The following GPR39 variants were observed in gnomAD, a reference collection of about 807,000 sequenced individuals.
The protein encoded by GPR39 is zinc sensing receptor.
Under a neutral mutation model 18.4 loss-of-function variants are expected in GPR39, and 23 were observed. The observed-to-expected ratio is 1.25, with a 90% CI of 0.90 to 1.77. The LOEUF (loss-of-function observed/expected upper bound fraction) is 1.77, where lower values mean the gene tolerates loss of function less well. GPR39 is among the 40% of genes most tolerant of loss of function. The pLI is 0.00. For synonymous variants in GPR39, 280 were observed against 257.9 expected, an observed-to-expected ratio of 1.09 and a Z score of -0.82; for missense variants, 647 against 602.4, an observed-to-expected ratio of 1.07 and a Z score of -0.78.
chr2:132,433,475 C>A (rs983259294), intron 1 of GPR39, among the ~76,000 whole-genome samples: 2 of 151,970 alleles, frequency 1.3e-5, no homozygotes, highest in Admixed American at 1.3e-4. Flanking sequence ...ACATAAATTT[C>A]ATCATGTTTA....
At chr2:132,598,614 G>A (rs1056690587) in intron 1 of GPR39, among the ~76,000 whole-genome samples, 1 of 151,950 alleles carries the variant, frequency 6.6e-6, no homozygotes, top group Non-Finnish European at 1.5e-5. Context: ...GTGGCACTGG[G>A]GAAAGGCTAT....
intron 1 of GPR39, among the ~76,000 whole-genome samples, chr2:132,629,966 G>T (rs1681618717): frequency 6.6e-6 from 1 of 152,306 alleles, no homozygotes; most frequent in African/African-American, 2.4e-5. Flanking sequence ...TTCAACGATA[G>T]TGCGTCTTAT....
intron 1 of GPR39, among the ~76,000 whole-genome samples, chr2:132,455,642 A>C (rs1318569092): frequency 1.3e-5 from 2 of 152,082 alleles, no homozygotes; most frequent in South Asian, 2.1e-4. Context: ...CCCTCTACAC[A>C]CTGCTTTAAA....
intron 1 of GPR39, among the ~76,000 whole-genome samples, chr2:132,517,264 C>T (rs1436455874): frequency 6.6e-6 from 1 of 151,760 alleles, no homozygotes; most frequent in Non-Finnish European, 1.5e-5. Flanking sequence ...AAAGAGTATA[C>T]AGGACCCTAA....
At position 132,427,188 on chromosome 2, in the gene GPR39, G is replaced by A. The variant is rs1433381459; in HGVS notation, c.856+9290G>A. Among the ~76,000 whole-genome samples, 158 of 113,960 alleles carry A rather than the reference G, an allele frequency of 1.4e-3. 3 individuals are homozygous for A. Among genetic ancestry groups the A allele is most frequent in the African/African-American group, 5.3e-3 (144 of 27,422 alleles). The allele number at this position is 113,960 out of a possible 152,430, so 74.8% of individuals were successfully genotyped here. ...TATGAAATTTTTTTTTTTTTGAGACGGAGTCTTGCTCCGTCGCCCAGGCTG... is the reference window on the plus strand; with the variant it reads ...TATGAAATTTTTTTTTTTTTGAGACAGAGTCTTGCTCCGTCGCCCAGGCTG... On this transcript the variant is annotated intron_variant, in intron 1 of 1. Coordinates refer to ENST00000329321, the MANE Select transcript of GPR39 (RefSeq NM_001508.3).
intron 1 of GPR39, among the ~76,000 whole-genome samples, chr2:132,551,153 T>C (rs1160385663): frequency 6.6e-6 from 1 of 152,220 alleles, no homozygotes; most frequent in Non-Finnish European, 1.5e-5. Flanking sequence ...ATGTTAGAGT[T>C]GATGTCTGAT....
Position 132,645,636 on chromosome 2 carries a change from CTGG to C in GPR39, c.*31_*33del. The stretch of plus-strand genomic sequence containing the variant: ...CAAGCGAGGGAGCCTTGAGTGGGAA[CTGG>C]CCCTCCAGCCCTAAGAAAACGTCAC... On this transcript the variant is annotated 3_prime_UTR_variant, in exon 2 of 2. Coordinates refer to ENST00000329321, the MANE Select transcript of GPR39 (RefSeq NM_001508.3). 1 of 1,589,814 alleles carries C rather than the reference CTGG, an allele frequency of 6.3e-7. No homozygotes were observed. Among genetic ancestry groups the C allele is most frequent in the South Asian group, 1.2e-5 (1 of 86,578 alleles).
At chr2:132,448,722 T>A (rs61138859) in intron 1 of GPR39, among the ~76,000 whole-genome samples, 26,410 of 152,212 alleles carry the variant, frequency 0.17, 2,808 homozygotes, top group East Asian at 0.5. Flanking sequence ...TTATTTCATA[T>A]TTTATTGGGT....
chr2:132,622,622 G>A lies in GPR39; in HGVS notation c.857-22479G>A, dbSNP rs199919308. On this transcript the variant is annotated intron_variant, in intron 1 of 1. Coordinates refer to ENST00000329321, the MANE Select transcript of GPR39 (RefSeq NM_001508.3). ...ATTCAGCCTGAAAAAGCTGGATACC[G>A]CGAAGCAGAAGCTTACAAGTCATAG... Among the ~76,000 whole-genome samples, 9 of 152,322 alleles carry A rather than the reference G, an allele frequency of 5.9e-5. No homozygotes were observed. In the East Asian group the frequency reaches 1.4e-3, roughly 23 times the overall value.
intron 1 of GPR39, among the ~76,000 whole-genome samples, chr2:132,560,382 T>G (rs903568499): frequency 6.6e-6 from 1 of 152,190 alleles, no homozygotes; most frequent in Admixed American, 6.5e-5. Context: ...GCCCTGAACC[T>G]GGGTCCCCTT....
At position 132,517,449 on chromosome 2, in the gene GPR39, A is replaced by G. The variant is rs1558823679; in HGVS notation, c.856+99551A>G. 4.6e-5 allele frequency among the ~76,000 whole-genome samples: 7 copies of G among 152,270 alleles called. No homozygotes were observed. In the South Asian group the frequency reaches 1.2e-3, roughly 27 times the overall value. ...GGAGCATTCTAGTTGAATTTCCTCTATCTAGTGCCCTGTGAAGCATGTGAC... is the reference window on the plus strand; with the variant it reads ...GGAGCATTCTAGTTGAATTTCCTCTGTCTAGTGCCCTGTGAAGCATGTGAC... On this transcript the variant is annotated intron_variant, in intron 1 of 1. Transcript: ENST00000329321.
chr2:132,590,730 TC>T (rs1196320247), intron 1 of GPR39, among the ~76,000 whole-genome samples: 2 of 152,006 alleles, frequency 1.3e-5, no homozygotes, highest in African/African-American at 4.8e-5. Context: ...AGGGATGGAC[TC>T]CCACCAACCA....
chr2:132,464,014 C>T (rs1281136792), intron 1 of GPR39, among the ~76,000 whole-genome samples: 2 of 152,182 alleles, frequency 1.3e-5, no homozygotes, highest in Admixed American at 1.3e-4. Context: ...CGTCTTCAGT[C>T]CTAGGTTCTG....
chr2:132,602,708 G>A (rs1260090225), intron 1 of GPR39, among the ~76,000 whole-genome samples: 2 of 151,516 alleles, frequency 1.3e-5, no homozygotes, highest in African/African-American at 4.8e-5. Context: ...TGAATAATCT[G>A]ATGTAAAATG....
chr2:132,585,612 G>A (rs2104826949), intron 1 of GPR39, among the ~76,000 whole-genome samples: 1 of 152,284 alleles, frequency 6.6e-6, no homozygotes, highest in Admixed American at 6.5e-5. Context: ...TCCCTGCTCC[G>A]GCCGCCCCCG....
intron 1 of GPR39, among the ~76,000 whole-genome samples, chr2:132,596,785 G>T (rs1680957472): frequency 6.6e-6 from 1 of 152,122 alleles, no homozygotes. Context: ...CTGAACCCTA[G>T]ACAAATTAAA....
chr2:132,420,004 A>G (rs1256340534), intron 1 of GPR39, among the ~76,000 whole-genome samples: 1 of 152,238 alleles, frequency 6.6e-6, no homozygotes, highest in Non-Finnish European at 1.5e-5. Context: ...TCAGAATGCC[A>G]CAGACTTTTA....
intron 1 of GPR39, among the ~76,000 whole-genome samples, chr2:132,469,440 A>G (rs1680989175): frequency 6.6e-6 from 1 of 152,226 alleles, no homozygotes; most frequent in Admixed American, 6.5e-5. Flanking sequence ...GGAATACATT[A>G]CAGGGTAATT....
chr2:132,472,971 C>A (rs906997332), intron 1 of GPR39, among the ~76,000 whole-genome samples: 2 of 152,000 alleles, frequency 1.3e-5, no homozygotes, highest in African/African-American at 2.4e-5. Context: ...GCATCCTTAT[C>A]CACCGTGAAC....
Sources: allele counts gnomAD v4.1 joint callset (sites outside exome capture counted in the v4.1 genomes callset), GRCh38; gene constraint gnomAD v4.1.1; transcripts MANE v1.5; gene names NCBI Gene and HGNC (gene_info 2026-07-23, HGNC 2026-07-21).